FUT8: variants seen among roughly 807,000 people sequenced by gnomAD.
FUT8 encodes the protein fucosyltransferase 8, also known as alpha-(1,6)-fucosyltransferase.
FUT8 carries 29 observed loss-of-function variants against 71.3 expected under a neutral mutation model. The observed-to-expected ratio is 0.41, with a 90% CI of 0.30 to 0.55. The LOEUF (loss-of-function observed/expected upper bound fraction) is 0.55, where lower values mean the gene tolerates loss of function less well. Ranked by LOEUF, FUT8 falls within the 20% of genes least tolerant of loss-of-function variation. FUT8 has a pLI of 0.34. For synonymous variants in FUT8, 254 were observed against 239.3 expected (o/e 1.06, Z -0.57); for missense variants, 544 against 702.1 (o/e 0.77, Z 2.55).
At position 65,439,954 on chromosome 14, in the gene FUT8, GTATA is replaced by G. The variant is rs60534547; in HGVS notation, c.-325-15633_-325-15630del. 8.4e-3 allele frequency among the ~76,000 whole-genome samples: 626 copies of G among 74,964 alleles called. 16 individuals are homozygous for G. The highest frequency in any genetic ancestry group is 0.029 in the Middle Eastern group (4 of 136). 49.2% of individuals were successfully genotyped at this position (74,964 alleles called of 152,430 possible). ...ATAAAGAAAATGTGTGTGTGTGTGTGTATATATATATATATATATATATATATAT... is the reference window on the plus strand; with the variant it reads ...ATAAAGAAAATGTGTGTGTGTGTGTGTATATATATATATATATATATATAT... On this transcript the variant is annotated intron_variant, in intron 1 of 10. Transcript: ENST00000673929.
chr14:65,493,646 C>T (rs998107973), intron 2 of FUT8, among the ~76,000 whole-genome samples: 5 of 151,892 alleles, frequency 3.3e-5, no homozygotes, highest in African/African-American at 1.2e-4. Context: ...AGTATTTACC[C>T]TCTGTTACAG....
chr14:65,567,866 A>G (rs1886275457), intron 3 of FUT8, among the ~76,000 whole-genome samples: 1 of 151,844 alleles, frequency 6.6e-6, no homozygotes, highest in Non-Finnish European at 1.5e-5. Context: ...TATATAAATG[A>G]GCTGTTTATT....
At chr14:65,598,976 AG>A (rs1413625233) in intron 3 of FUT8, among the ~76,000 whole-genome samples, 2 of 151,936 alleles carry the variant, frequency 1.3e-5, no homozygotes. Flanking sequence ...ATTTTAGTAA[AG>A]ATGGGGTTTC....
Position 65,452,519 on chromosome 14 carries a change from G to T in FUT8, c.-325-3102G>T, listed in dbSNP as rs2139545569. ...AGCCTAGAGATTTCTCTGTATTGAAGAGGTAGAGCTAGCTGGGAGATTGGG... is the reference window on the plus strand; with the variant it reads ...AGCCTAGAGATTTCTCTGTATTGAATAGGTAGAGCTAGCTGGGAGATTGGG... On this transcript the variant is annotated intron_variant, in intron 1 of 10. Transcript: ENST00000673929. 1.3e-5 allele frequency among the ~76,000 whole-genome samples: 2 copies of T among 152,350 alleles called. 1 individual carries two copies. The highest frequency in any genetic ancestry group is 4.1e-4 in the South Asian group (2 of 4,824).
At chr14:65,570,001 C>T (rs1366151772) in intron 3 of FUT8, among the ~76,000 whole-genome samples, 2 of 151,920 alleles carry the variant, frequency 1.3e-5, no homozygotes, top group Non-Finnish European at 2.9e-5. Context: ...TTTCTTCTGC[C>T]CTTCAGAGGT....
chr14:65,704,569 A>C (rs1894467918), intron 7 of FUT8, among the ~76,000 whole-genome samples: 1 of 151,958 alleles, frequency 6.6e-6, no homozygotes, highest in African/African-American at 2.4e-5. Context: ...AAACAAAAAA[A>C]CTCCCTCAAA....
chr14:65,619,854 C>G (rs1210706538), intron 5 of FUT8, among the ~76,000 whole-genome samples: 2 of 152,180 alleles, frequency 1.3e-5, no homozygotes, highest in Admixed American at 6.5e-5. Context: ...TGACCCTAGC[C>G]TACCTCTTTG....
chr14:65,538,641 C>T (rs566974466), intron 2 of FUT8, among the ~76,000 whole-genome samples: 41 of 152,244 alleles, frequency 2.7e-4, no homozygotes, highest in East Asian at 2.3e-3. Flanking sequence ...GCTTCTAGGC[C>T]GGGAATGGTG....
intron 6 of FUT8, among the ~76,000 whole-genome samples, chr14:65,641,300 C>T (rs11624045): frequency 0.35 from 53,948 of 152,058 alleles, 11,894 homozygotes; most frequent in Non-Finnish European, 0.5. Context: ...GCTTCTTTTA[C>T]TCAGCGTAAT....
chr14:65,460,537 T>TG (rs1306230837), intron 2 of FUT8, among the ~76,000 whole-genome samples: 1 of 152,192 alleles, frequency 6.6e-6, no homozygotes, highest in African/African-American at 2.4e-5. Flanking sequence ...AATATGGTAC[T>TG]CTGTCTATGC....
chr14:65,598,372 G>A (rs1888108267), intron 3 of FUT8, among the ~76,000 whole-genome samples: 2 of 151,904 alleles, frequency 1.3e-5, no homozygotes, highest in African/African-American at 2.4e-5. Flanking sequence ...ACAGATGCAC[G>A]CCACCACCCC....
chr14:65,685,132 A>G (rs148254440), intron 7 of FUT8, among the ~76,000 whole-genome samples: 1 of 152,334 alleles, frequency 6.6e-6, no homozygotes, highest in African/African-American at 2.4e-5. Flanking sequence ...AAATAGGAAG[A>G]TAAAAGCTCA....
At chr14:65,614,006 C>T (rs1889146002) in intron 3 of FUT8, among the ~76,000 whole-genome samples, 1 of 151,048 alleles carries the variant, frequency 6.6e-6, no homozygotes, top group Non-Finnish European at 1.5e-5. Context: ...CCCATCTGCT[C>T]AGGAGGCCGA....
rs1894436766 is a variant in FUT8 at position 65,703,919 on chromosome 14, C to T, written c.836-17856C>T. Among the ~76,000 whole-genome samples, 3 of 152,172 alleles carry T rather than the reference C, an allele frequency of 2.0e-5. No individual in the cohort carries two copies. The South Asian group carries it at 6.2e-4, about 32-fold the overall frequency. ...ACTAACTGCCCTCTTTCCTCATATTCCATAGAAATCTTAAGTGTTTTGTTT... is the reference window on the plus strand; with the variant it reads ...ACTAACTGCCCTCTTTCCTCATATTTCATAGAAATCTTAAGTGTTTTGTTT... On this transcript the variant is annotated intron_variant, in intron 7 of 10. Transcript: ENST00000673929.
chr14:65,561,828 G>T (rs934560475), intron 3 of FUT8, 62 bp downstream of exon 3: 1 of 1,277,512 alleles, frequency 7.8e-7, no homozygotes, highest in Non-Finnish European at 1.1e-6. Flanking sequence ...TAGGTGTAGG[G>T]CTTCATTCCG....
At position 65,616,117 on chromosome 14, in the gene FUT8, C is replaced by G. The variant is rs1263704804; in HGVS notation, c.319+24C>G. The G allele has an allele frequency of 1.9e-6, 3 of 1,605,376 alleles. No individual in the cohort carries two copies. The South Asian group carries it at 3.3e-5, about 18-fold the overall frequency. On this transcript the variant is annotated intron_variant, in intron 4 of 10. Coordinates refer to ENST00000673929, the MANE Select transcript of FUT8 (RefSeq NM_001371533.1). ...TGGTAGGTGATTATACAGTGTTTTC[C>G]CCTCCTCAGTATATGGGCTTTAGCA... is the stretch of plus-strand genomic sequence containing the variant.
intron 2 of FUT8, among the ~76,000 whole-genome samples, chr14:65,464,588 A>G (rs2066014985): frequency 6.6e-6 from 1 of 152,140 alleles, no homozygotes; most frequent in Non-Finnish European, 1.5e-5. Flanking sequence ...AATTTTATCA[A>G]ATACTTTTAT....
At position 65,660,787 on chromosome 14, in the gene FUT8, G is replaced by T. The variant is rs553607312; in HGVS notation, c.598-8456G>T. The stretch of plus-strand genomic sequence containing the variant: ...ATGCTTTTTAATTGCCTCTTTCATG[G>T]TTATTAACTGAGTCTTCATTTTAAT... On this transcript the variant is annotated intron_variant, in intron 6 of 10. Transcript: ENST00000673929. The surrounding 1 kb of genome is among the most constrained non-coding windows in gnomAD (Gnocchi z 4.1). Among the ~76,000 whole-genome samples, 1 of 152,062 alleles carries T rather than the reference G, an allele frequency of 6.6e-6. No homozygotes were observed. The highest frequency in any genetic ancestry group is 2.4e-5 in the African/African-American group (1 of 41,404).
intron 2 of FUT8, among the ~76,000 whole-genome samples, chr14:65,554,108 TTCTTC>T (rs1487559355): frequency 6.6e-6 from 1 of 152,086 alleles, no homozygotes; most frequent in Non-Finnish European, 1.5e-5. Context: ...TTCAATCTGT[TTCTTC>T]TCTTTGCGTT....
Sources: allele counts gnomAD v4.1 joint callset (sites outside exome capture counted in the v4.1 genomes callset), GRCh38; gene constraint gnomAD v4.1.1; non-coding constraint Gnocchi (gnomAD v3.1); transcripts MANE v1.5; gene names NCBI Gene and HGNC (gene_info 2026-07-23, HGNC 2026-07-21).